Variants in DEUP1 observed in about 807,000 individuals in gnomAD.
DEUP1 encodes deuterosome assembly protein 1.
In DEUP1, 82 loss-of-function variants were observed where a neutral mutation model predicts 87.4. The ratio of observed to expected loss-of-function variants is 0.94; its 90% CI spans 0.78 to 1.13. DEUP1 has a LOEUF of 1.13. DEUP1 is among the 50% of genes most tolerant of loss of function. DEUP1 has a pLI of 0.00. For missense variants in DEUP1, 663 were observed against 681.5 expected, an observed-to-expected ratio of 0.97 and a Z score of 0.30; for synonymous variants, 214 against 222.7, an observed-to-expected ratio of 0.96 and a Z score of 0.35.
rs2134435627 is a variant in DEUP1 at position 93,412,775 on chromosome 11, C to T, written c.1524-2225C>T. Among the ~76,000 whole-genome samples the T allele has an allele frequency of 1.3e-5, 2 of 152,160 alleles. 1 individual carries two copies. Among genetic ancestry groups the T allele is most frequent in the South Asian group, 4.2e-4 (2 of 4,818 alleles). The stretch of plus-strand genomic sequence containing the variant: ...AAAAGGTTCAGCTAAAGATTATATG[C>T]AGATATACTATGCAAATGTTATAAT... On this transcript the variant is annotated intron_variant, in intron 12 of 13. Coordinates refer to ENST00000298050, the MANE Select transcript of DEUP1 (RefSeq NM_181645.4).
In DEUP1 at chr11:93,364,257, T is replaced by C; in HGVS notation, c.395T>C (p.Ile132Thr). 1 of 1,609,962 alleles carries C rather than the reference T, an allele frequency of 6.2e-7. No homozygotes were observed. The highest frequency in any genetic ancestry group is 8.5e-7 in the Non-Finnish European group (1 of 1,176,794). ...RKELPHLKEEIPFELSNLNQK... is the reference protein window; with the variant it reads ...RKELPHLKEETPFELSNLNQK... ...GAATTACCACACCTTAAAGAAGAAA[T>C]ACCCTTTGAACTGAGCAATTTGAAC... The change falls in exon 5 of 14, where the codon ATA (isoleucine) becomes ACA (threonine). Residue 132 changes from isoleucine to threonine, a missense_variant. Transcript: ENST00000298050.
intron 8 of DEUP1, among the ~76,000 whole-genome samples, chr11:93,387,199 T>C (rs1946599903): frequency 6.6e-6 from 1 of 152,182 alleles, no homozygotes. Context: ...TTAGAATTCT[T>C]AGCCTTCATC....
At chr11:93,437,419 G>C in intron 13 of DEUP1, 124 bp from the exon 14 acceptor site, 1 of 684,388 alleles carries the variant, frequency 1.5e-6, no homozygotes, top group East Asian at 2.7e-5. Context: ...TTCAGCCCAG[G>C]ATGTATTCTT....
At chr11:93,353,382 C>G (rs1164013873) in intron 2 of DEUP1, among the ~76,000 whole-genome samples, 1 of 152,208 alleles carries the variant, frequency 6.6e-6, no homozygotes, top group African/African-American at 2.4e-5. Context: ...GCTGCTTTCA[C>G]AGGCTGGCAT....
At chr11:93,344,471 C>A (rs1350540413) in intron 2 of DEUP1, among the ~76,000 whole-genome samples, 3 of 151,562 alleles carry the variant, frequency 2.0e-5, no homozygotes, top group African/African-American at 7.3e-5. Flanking sequence ...ACATAGTCTC[C>A]TGTCTCTCCT....
At chr11:93,400,674 T>C (rs1947088266) in intron 11 of DEUP1, among the ~76,000 whole-genome samples, 1 of 152,152 alleles carries the variant, frequency 6.6e-6, no homozygotes, top group Admixed American at 6.6e-5. Context: ...GGAATTTTGA[T>C]ATACTATTGG....
chr11:93,406,115 T>G (rs1341707194), intron 11 of DEUP1, among the ~76,000 whole-genome samples: 1 of 151,982 alleles, frequency 6.6e-6, no homozygotes, highest in Non-Finnish European at 1.5e-5. Context: ...AAACTTCTTA[T>G]GTTTAATTGA....
rs1174389172 is a variant in DEUP1, at chr11:93,437,613, C to T, written c.1709C>T (p.Ala570Val). ...TTCCTTCTGGAAGAAGAGAAACGAG[C>T]AAAAGAACTTGAAAAACTTCTAAAT... ...QHFLLEEEKR[A>V]KELEKLLNTH... Residue 570 changes from alanine (A) to valine (V), a missense_variant, in exon 14 of 14, where the codon GCA becomes GTA. Transcript: ENST00000298050. 6.2e-7 allele frequency: 1 copy of T among 1,612,836 alleles called. No individual in the cohort carries two copies. The highest frequency in any genetic ancestry group is 8.5e-7 in the Non-Finnish European group (1 of 1,179,122).
At chr11:93,415,572 C>G (rs1432008942) in intron 13 of DEUP1, among the ~76,000 whole-genome samples, 1 of 151,856 alleles carries the variant, frequency 6.6e-6, no homozygotes, top group Non-Finnish European at 1.5e-5. Flanking sequence ...TAACTACCAC[C>G]CAAGTAATGA....
chr11:93,433,184 A>G (rs552175024), intron 13 of DEUP1, among the ~76,000 whole-genome samples: 124 of 152,310 alleles, frequency 8.1e-4, no homozygotes, highest in Non-Finnish European at 1.5e-3. Flanking sequence ...AAAAAATTTT[A>G]TTGAAAACAC....
chr11:93,344,209 T>A (rs1368146446), intron 2 of DEUP1, among the ~76,000 whole-genome samples: 1 of 152,276 alleles, frequency 6.6e-6, no homozygotes, highest in African/African-American at 2.4e-5. Flanking sequence ...GCTCTAGGAC[T>A]TCTGCTGGGG....
At chr11:93,370,580 A>C (rs1393894010) in intron 6 of DEUP1, among the ~76,000 whole-genome samples, 1 of 152,000 alleles carries the variant, frequency 6.6e-6, no homozygotes, top group Non-Finnish European at 1.5e-5. Context: ...AACTTTGCCC[A>C]TTTTTCTTTT....
intron 13 of DEUP1, among the ~76,000 whole-genome samples, chr11:93,435,732 C>T (rs1387518043): frequency 2.6e-5 from 4 of 152,178 alleles, no homozygotes; most frequent in Non-Finnish European, 4.4e-5. Context: ...CATGGTGGCT[C>T]ACGCCTGTAA....
rs117345654 is a variant in DEUP1 at position 93,431,804 on chromosome 11, G to C, written c.1639-5739G>C. Reference sequence around the variant, plus strand: ...ACAATGAATTGTTTATGGGAAGTGGGAGAAAAGAGTGATTAAAGATGACTC... The same window carrying C: ...ACAATGAATTGTTTATGGGAAGTGGCAGAAAAGAGTGATTAAAGATGACTC... On this transcript the variant is annotated intron_variant, in intron 13 of 13. Transcript: ENST00000298050. Among the ~76,000 whole-genome samples, 195 of 152,090 alleles carry C rather than the reference G, an allele frequency of 1.3e-3. 5 individuals carry two copies. The highest frequency in any genetic ancestry group is 4.0e-4 in the Non-Finnish European group (27 of 68,018).
At chr11:93,393,080 C>T (rs572707395) in intron 9 of DEUP1, among the ~76,000 whole-genome samples, 3 of 101,188 alleles carry the variant, frequency 3.0e-5, no homozygotes, top group African/African-American at 1.4e-4. Flanking sequence ...TTCTTCTCTT[C>T]CTCCTTCTTT....
At chr11:93,373,626 T>TGTGTGTATATATAC (rs71064746) in intron 7 of DEUP1, among the ~76,000 whole-genome samples, 2,248 of 19,984 alleles carry the variant, frequency 0.11, 27 homozygotes, top group South Asian at 0.37. Context: ...TATATATACG[T>TGTGTGTATATATAC]ATATATATAT....
chr11:93,386,080 A>G (rs1252420546), intron 8 of DEUP1, among the ~76,000 whole-genome samples: 1 of 152,112 alleles, frequency 6.6e-6, no homozygotes, highest in East Asian at 1.9e-4. Context: ...CAAAAATAGT[A>G]TAGAACTGGT....
intron 13 of DEUP1, among the ~76,000 whole-genome samples, chr11:93,431,050 A>G (rs1436338871): frequency 6.8e-6 from 1 of 147,304 alleles, no homozygotes; most frequent in African/African-American, 2.5e-5. Flanking sequence ...GAGCCGAGAT[A>G]GGATCACTGC....
intron 2 of DEUP1, among the ~76,000 whole-genome samples, chr11:93,336,616 AC>A (rs34928788): frequency 0.33 from 50,453 of 151,420 alleles, 8,754 homozygotes; most frequent in Non-Finnish European, 0.4. Context: ...GTTGACCTTA[AC>A]CCCCCCAGTT....
Sources: allele counts gnomAD v4.1 joint callset (sites outside exome capture counted in the v4.1 genomes callset), GRCh38; gene constraint gnomAD v4.1.1; transcripts MANE v1.5; gene names NCBI Gene and HGNC (gene_info 2026-07-23, HGNC 2026-07-21).